Variants in LSR observed in about 807,000 individuals in gnomAD.
The protein encoded by LSR is lipolysis stimulated lipoprotein receptor, also known as lipolysis-stimulated lipoprotein receptor.
In LSR, 44 loss-of-function variants were observed where a neutral mutation model predicts 61.8. That is an observed-to-expected ratio of 0.71 (90% CI 0.56 to 0.91). The LOEUF (loss-of-function observed/expected upper bound fraction) is 0.91, where lower values mean the gene tolerates loss of function less well. Among genes scored for constraint, LSR ranks in the 40% least tolerant of loss-of-function variants. LSR has a pLI of 0.00. For missense variants in LSR, 911 were observed against 830.5 expected (o/e 1.10, Z -1.19); for synonymous variants, 397 against 350.6 (o/e 1.13, Z -1.48).
intron 3 of LSR, among the ~76,000 whole-genome samples, chr19:35,261,138 G>GT (rs1382065399): frequency 6.6e-6 from 1 of 152,180 alleles, no homozygotes; most frequent in Non-Finnish European, 1.5e-5. Flanking sequence ...CACTGGTGGG[G>GT]CTCAGAGCTC....
Position 35,262,649 on chromosome 19 carries a change from C to T in LSR, c.735C>T (p.Val245=), listed in dbSNP as rs766257659. 5.6e-6 allele frequency: 9 copies of T among 1,614,044 alleles called. No homozygotes were observed. Among genetic ancestry groups the T allele is most frequent in the Non-Finnish European group, 6.8e-6 (8 of 1,180,038 alleles). ...QCCPHTCCCY[V]RCPCCPDKCC... ...GCCCGCACACTTGCTGCTGCTACGT[C>T]AGGTGCCCCTGCTGCCCAGACAAGT... The change falls in exon 5 of 10, where the codon GTC becomes GTT. Residue 245 remains valine, a synonymous_variant. Transcript: ENST00000605618.
chr19:35,256,937 A>G (rs2065864214), intron 2 of LSR, among the ~76,000 whole-genome samples: 1 of 152,004 alleles, frequency 6.6e-6, no homozygotes, highest in Admixed American at 6.6e-5. Context: ...CCTGAGTTCA[A>G]GCAATTCTCC....
chr19:35,249,307 T>G, intron 1 of LSR, 176 bp downstream of exon 1: 6 of 708,602 alleles, frequency 8.5e-6, no homozygotes, highest in Non-Finnish European at 4.3e-6. Flanking sequence ...TCCCCATTTG[T>G]GCCGGGGAGC....
At chr19:35,265,897 G>A (rs1325198391) in intron 5 of LSR, among the ~76,000 whole-genome samples, 1 of 152,130 alleles carries the variant, frequency 6.6e-6, no homozygotes, top group African/African-American at 2.4e-5. Context: ...ACTTGATTTC[G>A]GCTTGTGGGG....
At position 35,258,953 on chromosome 19, in the gene LSR, C is replaced by T. The variant is rs1254627398; in HGVS notation, c.463C>T (p.Leu155=). The T allele has an allele frequency of 1.9e-6, 3 of 1,613,830 alleles. No homozygotes were observed. The African/African-American group carries it at 4.0e-5, about 22-fold the overall frequency. The change falls in exon 3 of 10, where the codon CTG becomes TTG. Residue 155 remains leucine, a synonymous_variant. Transcript: ENST00000605618. ...RRITITGNAD[L]TFDQTAWGDS... ...TTTTCATCCCGACTCAGATGCTGACCTGACCTTTGACCAGACGGCGTGGGG... is the reference window on the plus strand; with the variant it reads ...TTTTCATCCCGACTCAGATGCTGACTTGACCTTTGACCAGACGGCGTGGGG...
At chr19:35,263,468 G>A (rs569912574) in intron 5 of LSR, among the ~76,000 whole-genome samples, 1 of 152,210 alleles carries the variant, frequency 6.6e-6, no homozygotes, top group South Asian at 2.1e-4. Context: ...CAGTCCTCCC[G>A]CCTCAGCCTC....
intron 5 of LSR, chr19:35,262,982 T>TA: frequency 3.0e-6 from 1 of 331,198 alleles, no homozygotes; most frequent in Non-Finnish European, 5.5e-6. Flanking sequence ...TAAAGCCCTC[T>TA]AAAAAAACCA....
Position 35,261,959 on chromosome 19 carries a change from T to C in LSR, c.609T>C (p.Gly203=), listed in dbSNP as rs773169211. Residue 203 remains glycine, a synonymous_variant, in exon 4 of 10, where the codon GGT becomes GGC. Transcript: ENST00000605618. ...CAGGGGTGGCTGAGCTCTTACCTGG[T>C]TTTCAGGCGGGGCCCATAGAAGGTA... ...RTSGVAELLP[G]FQAGPIEDWL... 5 of 1,500,480 alleles carry C rather than the reference T, an allele frequency of 3.3e-6. No individual in the cohort carries two copies. In the South Asian group the frequency reaches 6.9e-5, roughly 21 times the overall value. 92.9% of individuals were successfully genotyped at this position (1,500,480 alleles called of 1,614,324 possible).
At chr19:35,263,643 A>T (rs542635907) in intron 5 of LSR, among the ~76,000 whole-genome samples, 1 of 152,226 alleles carries the variant, frequency 6.6e-6, no homozygotes, top group East Asian at 1.9e-4. Flanking sequence ...GATTACAGGC[A>T]TGTGCCACCA....
At chr19:35,249,517 G>A (rs2065763252) in intron 1 of LSR, 3 of 265,216 alleles carry the variant, frequency 1.1e-5, no homozygotes, top group Admixed American at 1.1e-4. Flanking sequence ...GGCACGGGAG[G>A]GCTGGATCAG....
intron 2 of LSR, among the ~76,000 whole-genome samples, chr19:35,257,927 A>C (rs1461444083): frequency 6.6e-6 from 1 of 152,082 alleles, no homozygotes; most frequent in East Asian, 1.9e-4. Flanking sequence ...TGGGGATGGA[A>C]GGGGAGGGGG....
chr19:35,262,065 C>T, intron 4 of LSR, 84 bp downstream of exon 4: 1 of 1,236,118 alleles, frequency 8.1e-7, no homozygotes. Context: ...GTATCCCCTT[C>T]CCCACTAAAC....
intron 2 of LSR, among the ~76,000 whole-genome samples, chr19:35,253,045 C>T (rs983260031): frequency 2.0e-5 from 3 of 151,280 alleles, no homozygotes; most frequent in African/African-American, 7.3e-5. Context: ...ATAGGCTGGG[C>T]GCAGTGGCTC....
intron 2 of LSR, 124 bp from the exon 3 acceptor site, chr19:35,258,821 A>G (rs998063897): frequency 4.9e-6 from 6 of 1,221,794 alleles, no homozygotes; most frequent in Middle Eastern, 1.9e-4. Flanking sequence ...GCATTTGATC[A>G]TCTGCAGCCT....
chr19:35,266,639 T>C (rs201711230), intron 6 of LSR, 40 bp from the exon 7 acceptor site: 2 of 1,598,808 alleles, frequency 1.3e-6, no homozygotes, highest in Admixed American at 3.5e-5. Flanking sequence ...GGAGGGGCTC[T>C]GCTCCTGGTG....
chr19:35,266,213 A>C (rs1247139136), intron 5 of LSR, 146 bp from the exon 6 acceptor site: 1 of 599,888 alleles, frequency 1.7e-6, no homozygotes, highest in African/African-American at 1.8e-5. Flanking sequence ...GAGGACCAAC[A>C]GGGACTCAGA....
At chr19:35,256,265 G>T (rs1255336222) in intron 2 of LSR, among the ~76,000 whole-genome samples, 1 of 151,646 alleles carries the variant, frequency 6.6e-6, no homozygotes, top group Non-Finnish European at 1.5e-5. Context: ...AGCTCAAAGA[G>T]TTTGTTTTCA....
intron 5 of LSR, among the ~76,000 whole-genome samples, chr19:35,263,806 G>A (rs1204969535): frequency 6.6e-6 from 1 of 151,412 alleles, no homozygotes; most frequent in Non-Finnish European, 1.5e-5. Flanking sequence ...TTAAACTTAA[G>A]CAAATTTTTT....
At position 35,267,246 on chromosome 19, in the gene LSR, G is replaced by T. The variant is rs1441827043; in HGVS notation, c.1282G>T (p.Ala428Ser). 10 of 1,532,174 alleles carry T rather than the reference G, an allele frequency of 6.5e-6. No individual in the cohort carries two copies. In the African/African-American group the frequency reaches 9.7e-5, roughly 15 times the overall value. 94.9% of individuals were successfully genotyped at this position (1,532,174 alleles called of 1,614,324 possible). A position where few individuals can be genotyped will look rare whatever the true frequency, so the allele number is the denominator to read the frequency against. The change falls in exon 9 of 10, where the codon GCC becomes TCC. Residue 428 changes from alanine (A) to serine (S), a missense_variant. Transcript: ENST00000605618. Reference sequence around the variant, plus strand: ...TCCCAGGGGATGGGACCAGGAGCCCGCCAGGGAGCAGGCAGGCGGGGGCTG... The same window carrying T: ...TCCCAGGGGATGGGACCAGGAGCCCTCCAGGGAGCAGGCAGGCGGGGGCTG... ...RSPRGWDQEP[A>S]REQAGGGWRA...
Sources: gnomAD v4.1 joint callset for allele counts (sites outside exome capture counted in the v4.1 genomes callset) on GRCh38, gnomAD v4.1.1 for gene constraint, MANE v1.5 for transcripts, NCBI Gene and HGNC (gene_info 2026-07-23, HGNC 2026-07-21) for gene names.